Variants in CCDC91 observed in about 807,000 individuals in gnomAD.
The protein encoded by CCDC91 is coiled-coil domain-containing protein 91.
CCDC91 carries 48 observed loss-of-function variants against 63.2 expected under a neutral mutation model. That is an observed-to-expected ratio of 0.76 (90% CI 0.60 to 0.97). CCDC91 has a LOEUF of 0.97. CCDC91 is among the 50% of genes least tolerant of loss of function. The probability of loss-of-function intolerance (pLI) is 0.00; values close to 1 mark genes in which losing one functional copy is unlikely to be tolerated. For missense variants in CCDC91, 500 were observed against 494.6 expected (o/e 1.01, Z -0.10); for synonymous variants, 167 against 165.8 (o/e 1.01, Z -0.06).
chr12:28,349,811 G>A (rs1253267352), intron 6 of CCDC91, among the ~76,000 whole-genome samples: 3 of 152,082 alleles, frequency 2.0e-5, no homozygotes, highest in Non-Finnish European at 4.4e-5. Flanking sequence ...TGTATTCCCC[G>A]CTTCAGAGAA....
intron 12 of CCDC91, among the ~76,000 whole-genome samples, chr12:28,545,001 G>C (rs1194216517): frequency 5.9e-5 from 9 of 151,966 alleles, no homozygotes; most frequent in Non-Finnish European, 1.2e-4. Flanking sequence ...CTGAAGCCTA[G>C]TTGTCTATTT....
chr12:28,372,273 G>T (rs544747838), intron 7 of CCDC91, among the ~76,000 whole-genome samples: 1 of 152,056 alleles, frequency 6.6e-6, no homozygotes, highest in Non-Finnish European at 1.5e-5. Flanking sequence ...CGGTAAATAT[G>T]CTTCCAGATT....
intron 8 of CCDC91, among the ~76,000 whole-genome samples, chr12:28,400,594 T>TA (rs1031110908): frequency 1.2e-4 from 18 of 152,188 alleles, no homozygotes; most frequent in African/African-American, 4.1e-4. Context: ...TCCCAACTTT[T>TA]ATGCTCTACT....
chr12:28,324,956 C>T lies in CCDC91; in HGVS notation c.576+17207C>T, dbSNP rs141400968. Among the ~76,000 whole-genome samples, 1,050 of 151,664 alleles carry T rather than the reference C, an allele frequency of 6.9e-3. 19 individuals are homozygous for T. The highest frequency in any genetic ancestry group is 0.023 in the African/African-American group (965 of 41,368). On this transcript the variant is annotated intron_variant, in intron 6 of 12. Coordinates refer to ENST00000536442, the MANE Select transcript of CCDC91 (RefSeq NM_018318.5). Reference sequence around the variant, plus strand: ...AATGTATAACACATAATTTTATGAACGAATGTCACTTGGAAGCATAATAAT... The same window carrying T: ...AATGTATAACACATAATTTTATGAATGAATGTCACTTGGAAGCATAATAAT...
chr12:28,499,742 C>G (rs1023802034), intron 12 of CCDC91, among the ~76,000 whole-genome samples: 2 of 152,090 alleles, frequency 1.3e-5, no homozygotes, highest in Non-Finnish European at 2.9e-5. Flanking sequence ...TCCAGTCTAT[C>G]AATGATGGGC....
chr12:28,390,323 C>T (rs1038875737), intron 7 of CCDC91, among the ~76,000 whole-genome samples: 2 of 151,364 alleles, frequency 1.3e-5, no homozygotes, highest in Admixed American at 1.3e-4. Flanking sequence ...GGTGAATATG[C>T]CAACGGTCTG....
At chr12:28,270,641 C>T (rs1334106898) in intron 3 of CCDC91, among the ~76,000 whole-genome samples, 1 of 152,120 alleles carries the variant, frequency 6.6e-6, no homozygotes, top group Non-Finnish European at 1.5e-5. Flanking sequence ...TTACTCAACT[C>T]ATCAATCCAT....
chr12:28,208,125 C>T (rs974483581), intron 1 of CCDC91, among the ~76,000 whole-genome samples: 1 of 152,150 alleles, frequency 6.6e-6, no homozygotes, highest in Admixed American at 6.5e-5. Context: ...CTATTAGAAA[C>T]CTGTATTCAA....
At chr12:28,530,660 T>C (rs1460867929) in intron 12 of CCDC91, among the ~76,000 whole-genome samples, 1 of 152,180 alleles carries the variant, frequency 6.6e-6, no homozygotes, top group Non-Finnish European at 1.5e-5. Context: ...ATTTTATATC[T>C]CCATGGTGTG....
chr12:28,441,010 A>C (rs1295097119), intron 8 of CCDC91, among the ~76,000 whole-genome samples: 2 of 138,072 alleles, frequency 1.4e-5, no homozygotes, highest in Non-Finnish European at 3.1e-5. Context: ...GTGAGCCAAG[A>C]TCGTGCCACT....
rs138112889 is a variant in CCDC91 at position 28,525,098 on chromosome 12, C to T, written c.1216-23965C>T. Among the ~76,000 whole-genome samples, 55 of 151,968 alleles carry T rather than the reference C, an allele frequency of 3.6e-4. No individual in the cohort carries two copies. The East Asian group carries it at 7.3e-3, about 20-fold the overall frequency. ...TTGTTTTTTGTTTGTTTCAGTTTCA[C>T]TTGGTTCTGCTCACATTTCGGTTAT... On this transcript the variant is annotated intron_variant, in intron 12 of 12. Transcript: ENST00000536442.
chr12:28,367,070 A>G (rs1944323711), intron 7 of CCDC91, among the ~76,000 whole-genome samples: 1 of 152,190 alleles, frequency 6.6e-6, no homozygotes, highest in Non-Finnish European at 1.5e-5. Context: ...TACTTATATA[A>G]TACTCATATC....
chr12:28,371,931 CT>C (rs1944649025), intron 7 of CCDC91, among the ~76,000 whole-genome samples: 1 of 152,076 alleles, frequency 6.6e-6, no homozygotes, highest in South Asian at 2.1e-4. Flanking sequence ...GAAGAACTTC[CT>C]TTAGTATTTA....
At chr12:28,537,507 A>G (rs896949127) in intron 12 of CCDC91, among the ~76,000 whole-genome samples, 1 of 152,286 alleles carries the variant, frequency 6.6e-6, no homozygotes, top group Non-Finnish European at 1.5e-5. Flanking sequence ...GTTGTAACAG[A>G]TATGCACAGT....
intron 6 of CCDC91, among the ~76,000 whole-genome samples, chr12:28,332,307 T>C (rs1315691444): frequency 6.6e-6 from 1 of 152,154 alleles, no homozygotes; most frequent in African/African-American, 2.4e-5. Context: ...ACATTTAACA[T>C]CTCTTAAGCG....
At chr12:28,274,836 C>A (rs767299925) in intron 3 of CCDC91, among the ~76,000 whole-genome samples, 4 of 151,982 alleles carry the variant, frequency 2.6e-5, no homozygotes, top group South Asian at 4.2e-4. Context: ...CCTTTATTTC[C>A]TTCTCCTGCC....
At chr12:28,376,130 T>A (rs1944928793) in intron 7 of CCDC91, among the ~76,000 whole-genome samples, 1 of 151,856 alleles carries the variant, frequency 6.6e-6, no homozygotes, top group Admixed American at 6.6e-5. Flanking sequence ...TTAAAAAAAA[T>A]TCTATTAAGT....
chr12:28,278,972 G>A (rs1183240135), intron 3 of CCDC91, among the ~76,000 whole-genome samples: 1 of 151,856 alleles, frequency 6.6e-6, no homozygotes, highest in Non-Finnish European at 1.5e-5. Flanking sequence ...ATATTAATAT[G>A]TACAATAGTT....
intron 1 of CCDC91, among the ~76,000 whole-genome samples, chr12:28,249,569 G>T (rs1945986307): frequency 6.6e-6 from 1 of 152,150 alleles, no homozygotes; most frequent in Non-Finnish European, 1.5e-5. Flanking sequence ...TTCTTTATGG[G>T]AGCTAAACTG....
Sources: gnomAD v4.1 joint callset for allele counts (sites outside exome capture counted in the v4.1 genomes callset) on GRCh38, gnomAD v4.1.1 for gene constraint, MANE v1.5 for transcripts, NCBI Gene and HGNC (gene_info 2026-07-23, HGNC 2026-07-21) for gene names.